Variants in STK3 observed in about 807,000 individuals in gnomAD.
The protein encoded by STK3 is serine/threonine kinase 3.
A neutral mutation model predicts 58.0 loss-of-function variants in STK3; 41 were observed. The ratio of observed to expected loss-of-function variants is 0.71; its 90% CI spans 0.55 to 0.92. The LOEUF (loss-of-function observed/expected upper bound fraction) is 0.92, where lower values mean the gene tolerates loss of function less well. Ranked by LOEUF, STK3 falls within the 40% of genes least tolerant of loss-of-function variation. STK3 has a pLI of 0.00. For missense variants in STK3, 479 were observed against 602.7 expected (o/e 0.79, Z 2.15); for synonymous variants, 170 against 191.0 (o/e 0.89, Z 0.91).
intron 3 of STK3, among the ~76,000 whole-genome samples, chr8:98,406,319 T>G (rs1269854850): frequency 6.6e-6 from 1 of 151,956 alleles, no homozygotes; most frequent in Admixed American, 6.6e-5. Flanking sequence ...TCATCTTAGG[T>G]TCAGGGGGTA....
the STK3 span, among the ~76,000 whole-genome samples, chr8:98,349,579 C>G: frequency 6.6e-6 from 1 of 152,258 alleles, no homozygotes; most frequent in Non-Finnish European, 1.5e-5. Flanking sequence ...CCTTTCTGCA[C>G]TGCCCTAGCA....
chr8:98,698,318 A>G (rs1252746282), intron 6 of STK3, among the ~76,000 whole-genome samples: 1 of 151,552 alleles, frequency 6.6e-6, no homozygotes, highest in East Asian at 1.9e-4. Flanking sequence ...TCTTTATCCA[A>G]TTTGCCAGTC....
chr8:98,906,967 G>C (rs992487533), intron 1 of STK3, among the ~76,000 whole-genome samples: 1 of 146,116 alleles, frequency 6.8e-6, no homozygotes, highest in Admixed American at 6.8e-5. Flanking sequence ...GAGCAACATA[G>C]GGATAACCCC....
the STK3 span, among the ~76,000 whole-genome samples, chr8:98,364,838 G>A: frequency 1.3e-5 from 2 of 152,148 alleles, no homozygotes; most frequent in African/African-American, 4.8e-5. Flanking sequence ...GATAGCTCAC[G>A]GTATTTCTTC....
intron 3 of STK3, among the ~76,000 whole-genome samples, chr8:98,835,557 AAC>A (rs1181766098): frequency 6.6e-6 from 1 of 152,150 alleles, no homozygotes; most frequent in Non-Finnish European, 1.5e-5. Context: ...CCCAGTGGCC[AAC>A]AGTTTCCTTC....
At chr8:98,661,973 C>A (rs1821999201) in intron 6 of STK3, among the ~76,000 whole-genome samples, 1 of 152,058 alleles carries the variant, frequency 6.6e-6, no homozygotes, top group Non-Finnish European at 1.5e-5. Context: ...ACTATAAACA[C>A]CTGCTTGCTA....
At chr8:98,907,536 AT>A (rs1171461588) in intron 1 of STK3, among the ~76,000 whole-genome samples, 2 of 152,196 alleles carry the variant, frequency 1.3e-5, no homozygotes, top group Non-Finnish European at 2.9e-5. Flanking sequence ...AAACAAAAAA[AT>A]AACCTCAACA....
At chr8:98,718,603 T>C (rs1370183706) in intron 4 of STK3, among the ~76,000 whole-genome samples, 3 of 152,160 alleles carry the variant, frequency 2.0e-5, no homozygotes, top group East Asian at 1.9e-4. Flanking sequence ...ATGTAAAATA[T>C]ACACCAAAGA....
At chr8:98,803,593 CAAA>C (rs34316563) in intron 1 of STK3, among the ~76,000 whole-genome samples, 1 of 38,856 alleles carries the variant, frequency 2.6e-5, no homozygotes. Flanking sequence ...GACTCTGTTT[CAAA>C]AAAAAAAAAA....
rs374990778 is a variant in STK3, at chr8:98,727,740, G to A, written c.352-20429C>T. Among the ~76,000 whole-genome samples the A allele has an allele frequency of 2.5e-3, 377 of 152,292 alleles. 1 individual carries two copies. Among genetic ancestry groups the A allele is most frequent in the African/African-American group, 8.8e-3 (364 of 41,552 alleles). On this transcript the variant is annotated intron_variant, in intron 4 of 10. Coordinates refer to ENST00000419617, the MANE Select transcript of STK3 (RefSeq NM_006281.4). ...ATATTTTTTAAAAGGAACATGCACAGTCATTTTTTTAAAGTCTCCTGCTGC... is the reference window on the plus strand; with the variant it reads ...ATATTTTTTAAAAGGAACATGCACAATCATTTTTTTAAAGTCTCCTGCTGC...
intron 6 of STK3, among the ~76,000 whole-genome samples, chr8:98,653,109 G>T (rs1489764159): frequency 2.0e-5 from 3 of 152,134 alleles, no homozygotes; most frequent in Non-Finnish European, 2.9e-5. Flanking sequence ...AAATGTAAAA[G>T]AACACAAATT....
At chr8:98,478,251 T>A (rs1338270867) in intron 10 of STK3, among the ~76,000 whole-genome samples, 2 of 152,178 alleles carry the variant, frequency 1.3e-5, no homozygotes, top group Non-Finnish European at 2.9e-5. Context: ...CCTATGTATC[T>A]ACTGAAGAGT....
chr8:98,449,896 T>C (rs1477744309), downstream of STK3, among the ~76,000 whole-genome samples: 2 of 152,206 alleles, frequency 1.3e-5, no homozygotes, highest in Non-Finnish European at 2.9e-5. Flanking sequence ...ACACACTCGC[T>C]TTCCCTTTTG....
intron 6 of STK3, among the ~76,000 whole-genome samples, chr8:98,607,236 G>T (rs1012114706): frequency 1.3e-5 from 2 of 152,160 alleles, no homozygotes; most frequent in Non-Finnish European, 2.9e-5. Flanking sequence ...CTACAGTTGT[G>T]GTTCTCGAGG....
chr8:98,477,717 T>TGGGGGGGGGGGGGGGGGGGGGGGG (rs1563642954), intron 10 of STK3, among the ~76,000 whole-genome samples: 1 of 6,040 alleles, frequency 1.7e-4, no homozygotes, highest in African/African-American at 7.1e-4. Context: ...GGGGGGGGGG[T>TGGGGGGGGGGGGGGGGGGGGGGGG]GGGCGGGGGG....
intron 1 of STK3, among the ~76,000 whole-genome samples, chr8:98,822,078 A>T (rs1316485754): frequency 1.3e-5 from 2 of 151,886 alleles, no homozygotes; most frequent in African/African-American, 4.8e-5. Context: ...ACACACACAC[A>T]TATATATGTA....
intron 1 of STK3, among the ~76,000 whole-genome samples, chr8:98,815,037 C>T (rs530949254): frequency 3.2e-4 from 48 of 152,248 alleles, no homozygotes; most frequent in Admixed American, 2.5e-3. Context: ...TATTTTCTAT[C>T]TTTTTCATTT....
chr8:98,351,934 T>G, the STK3 span, among the ~76,000 whole-genome samples: 1 of 151,830 alleles, frequency 6.6e-6, no homozygotes, highest in African/African-American at 2.4e-5. Flanking sequence ...CTATGGTGGG[T>G]GGATCATGAG....
intron 1 of STK3, among the ~76,000 whole-genome samples, chr8:98,797,367 T>C (rs1295546868): frequency 6.6e-6 from 1 of 152,136 alleles, no homozygotes; most frequent in Non-Finnish European, 1.5e-5. Context: ...TCTCTCTCTC[T>C]CCCTTAGGAC....
Sources: allele counts gnomAD v4.1 joint callset (sites outside exome capture counted in the v4.1 genomes callset), GRCh38; gene constraint gnomAD v4.1.1; transcripts MANE v1.5; gene names NCBI Gene and HGNC (gene_info 2026-07-23, HGNC 2026-07-21).